The following CDC14A variants were observed in gnomAD, a reference collection of about 807,000 sequenced individuals.
CDC14A encodes dual specificity protein phosphatase CDC14A.
CDC14A carries 53 observed loss-of-function variants against 74.4 expected under a neutral mutation model. That is an observed-to-expected ratio of 0.71 (90% CI 0.57 to 0.89). The LOEUF (loss-of-function observed/expected upper bound fraction) is 0.89. CDC14A is among the 40% of genes least tolerant of loss of function. The probability of loss-of-function intolerance (pLI) is 0.00; values close to 1 mark genes in which losing one functional copy is unlikely to be tolerated. For missense variants in CDC14A, 646 were observed against 713.7 expected (o/e 0.91, Z 1.08); for synonymous variants, 247 against 258.4 (o/e 0.96, Z 0.43).
At chr1:100,369,829 AT>A (rs111309725) in intron 2 of CDC14A, among the ~76,000 whole-genome samples, 13,450 of 143,162 alleles carry the variant, frequency 0.094, 1,949 homozygotes, top group African/African-American at 0.32. Flanking sequence ...TCTTCTAAAA[AT>A]TTTTTTTTTT....
At position 100,496,050 on chromosome 1, in the gene CDC14A, G is replaced by A; in HGVS notation, c.1298+1G>A. On this transcript the variant is annotated splice_donor_variant, in intron 13 of 15. Transcript: ENST00000336454. LOFTEE classifies it high-confidence loss of function. ...CAAGAGCAGTGTCCCAGCCTTTCAG[G>A]TACTGCCAATGAGGTTGAATGTCTA... 6.2e-7 allele frequency: 1 copy of A among 1,612,646 alleles called. No individual in the cohort carries two copies. The highest frequency in any genetic ancestry group is 8.5e-7 in the Non-Finnish European group (1 of 1,178,706).
chr1:100,391,634 A>G (rs17122371), intron 4 of CDC14A, among the ~76,000 whole-genome samples: 1,735 of 152,288 alleles, frequency 0.011, 31 homozygotes, highest in African/African-American at 0.04. Flanking sequence ...CTCTGAAGCC[A>G]TGGAAGCAAC....
chr1:100,510,867 T>G (rs891316861), intron 15 of CDC14A, among the ~76,000 whole-genome samples: 1 of 152,274 alleles, frequency 6.6e-6, no homozygotes, highest in African/African-American at 2.4e-5. Context: ...GTTCCAAAAC[T>G]TTTTAACATT....
At chr1:100,351,160 C>A (rs1178693560), upstream of CDC14A, among the ~76,000 whole-genome samples, 1 of 152,010 alleles carries the variant, frequency 6.6e-6, no homozygotes, top group Non-Finnish European at 1.5e-5. Context: ...AGCCACCGCA[C>A]TCCGGCCTGG....
At chr1:100,502,905 A>G (rs189884914) in intron 15 of CDC14A, among the ~76,000 whole-genome samples, 11 of 152,304 alleles carry the variant, frequency 7.2e-5, no homozygotes, top group Non-Finnish European at 1.5e-4. Context: ...AGTTGCTGCC[A>G]CTTCCCTTCT....
At chr1:100,505,200 A>G (rs761117749) in intron 15 of CDC14A, among the ~76,000 whole-genome samples, 5 of 152,218 alleles carry the variant, frequency 3.3e-5, no homozygotes, top group Admixed American at 6.5e-5. Context: ...TGTGCTTCCT[A>G]CTTTCCCTCA....
intron 4 of CDC14A, among the ~76,000 whole-genome samples, chr1:100,416,601 T>C (rs2101056640): frequency 6.6e-6 from 1 of 152,288 alleles, no homozygotes; most frequent in Non-Finnish European, 1.5e-5. Context: ...TTTGTATACA[T>C]AGACGGGCTT....
At position 100,508,670 on chromosome 1, in the gene CDC14A, G is replaced by GC. The variant is rs1163558327; in HGVS notation, c.1755+9411dup. ...GGGATGTGGCTCCATCTCAGCCCTG[G>GC]CCCGAGGGCAATGGTCCCAATTTCT... On this transcript the variant is annotated intron_variant, in intron 15 of 15. Coordinates refer to ENST00000336454, the MANE Select transcript of CDC14A (RefSeq NM_003672.4). The surrounding 1 kb of genome is among the most constrained non-coding windows in gnomAD (Gnocchi z 4.4). Among the ~76,000 whole-genome samples, 2 of 152,160 alleles carry GC rather than the reference G, an allele frequency of 1.3e-5. No individual in the cohort carries two copies. The highest frequency in any genetic ancestry group is 2.9e-5 in the Non-Finnish European group (2 of 68,022).
At chr1:100,420,059 C>T (rs367695116) in intron 4 of CDC14A, among the ~76,000 whole-genome samples, 1,135 of 24,042 alleles carry the variant, frequency 0.047, 22 homozygotes, top group African/African-American at 0.15. Context: ...CACACACACA[C>T]ACACATATAT....
At chr1:100,404,755 G>T (rs1489918213) in intron 4 of CDC14A, among the ~76,000 whole-genome samples, 4 of 151,930 alleles carry the variant, frequency 2.6e-5, no homozygotes, top group African/African-American at 9.7e-5. Context: ...GCTTGAACCC[G>T]GGAGGCGGAG....
intron 12 of CDC14A, among the ~76,000 whole-genome samples, chr1:100,495,539 A>G (rs1294630330): frequency 6.6e-6 from 1 of 152,226 alleles, no homozygotes; most frequent in Non-Finnish European, 1.5e-5. Flanking sequence ...GTTTGTAAAT[A>G]TCATCATTTT....
chr1:100,443,381 C>T (rs1463181607), intron 7 of CDC14A, among the ~76,000 whole-genome samples: 1 of 152,044 alleles, frequency 6.6e-6, no homozygotes, highest in Non-Finnish European at 1.5e-5. Context: ...TTTGTCCAGG[C>T]TGAAATGCAG....
At chr1:100,437,451 T>A (rs751493880) in intron 5 of CDC14A, among the ~76,000 whole-genome samples, 1 of 152,226 alleles carries the variant, frequency 6.6e-6, no homozygotes, top group Non-Finnish European at 1.5e-5. Context: ...ATAAATTACC[T>A]GACACAGTAG....
chr1:100,514,851 G>A (rs1040079709), intron 15 of CDC14A, among the ~76,000 whole-genome samples: 5 of 152,022 alleles, frequency 3.3e-5, no homozygotes, highest in Admixed American at 6.5e-5. Flanking sequence ...ATCTATTTTT[G>A]AATACGAAAA....
chr1:100,364,455 G>C (rs1028843745), intron 2 of CDC14A, among the ~76,000 whole-genome samples: 1 of 150,958 alleles, frequency 6.6e-6, no homozygotes, highest in Non-Finnish European at 1.5e-5. Context: ...CTCGTGATCC[G>C]CCCGCCTCGG....
At chr1:100,486,503 C>G (rs1670028214) in intron 11 of CDC14A, among the ~76,000 whole-genome samples, 1 of 152,156 alleles carries the variant, frequency 6.6e-6, no homozygotes, top group African/African-American at 2.4e-5. Context: ...TCTCACGGTT[C>G]TGCAGGTTGG....
chr1:100,384,529 A>G (rs932974087), intron 3 of CDC14A, among the ~76,000 whole-genome samples: 14 of 152,180 alleles, frequency 9.2e-5, no homozygotes, highest in African/African-American at 2.9e-4. Flanking sequence ...TTAGCCTTTG[A>G]GGTTAGAGAG....
intron 2 of CDC14A, among the ~76,000 whole-genome samples, chr1:100,376,320 G>A (rs1188417453): frequency 6.6e-6 from 1 of 152,114 alleles, no homozygotes; most frequent in Non-Finnish European, 1.5e-5. Context: ...TAAAGTACAG[G>A]TGTGAGATGA....
intron 3 of CDC14A, among the ~76,000 whole-genome samples, chr1:100,381,463 T>G (rs189383972): frequency 6.6e-6 from 1 of 152,174 alleles, no homozygotes; most frequent in Non-Finnish European, 1.5e-5. Flanking sequence ...CACATTTCAT[T>G]TTTTAGTTTG....
Sources: gnomAD v4.1 joint callset for allele counts (sites outside exome capture counted in the v4.1 genomes callset) on GRCh38, gnomAD v4.1.1 for gene constraint, Gnocchi (gnomAD v3.1) non-coding constraint, MANE v1.5 for transcripts, NCBI Gene and HGNC (gene_info 2026-07-23, HGNC 2026-07-21) for gene names.